Variants in RARB observed in about 807,000 individuals in gnomAD.
RARB encodes retinoic acid receptor beta.
A neutral mutation model predicts 51.9 loss-of-function variants in RARB; 17 were observed. The observed-to-expected ratio is 0.33, with a 90% CI of 0.22 to 0.49. The LOEUF is 0.49. Ranked by LOEUF, RARB falls within the 20% of genes least tolerant of loss-of-function variation. RARB has a pLI of 0.99. For missense variants in RARB, 369 were observed against 550.8 expected, an observed-to-expected ratio of 0.67 and a Z score of 3.30; for synonymous variants, 215 against 195.4, an observed-to-expected ratio of 1.10 and a Z score of -0.84.
intron 3 of RARB, among the ~76,000 whole-genome samples, chr3:25,076,516 G>T (rs1249548530): frequency 6.6e-6 from 1 of 152,106 alleles, no homozygotes; most frequent in Non-Finnish European, 1.5e-5. Flanking sequence ...TATTTTCCAT[G>T]AAACTCTTCT....
intron 2 of RARB, among the ~76,000 whole-genome samples, chr3:24,920,316 T>G (rs999838839): frequency 1.3e-5 from 2 of 152,138 alleles, no homozygotes; most frequent in African/African-American, 4.8e-5. Flanking sequence ...ATTTCCTTAA[T>G]ATATAATGGA....
At chr3:25,085,824 G>A (rs1699094519) in intron 3 of RARB, among the ~76,000 whole-genome samples, 1 of 152,130 alleles carries the variant, frequency 6.6e-6, no homozygotes, top group African/African-American at 2.4e-5. Flanking sequence ...TGAAAGTGTA[G>A]CTGAAATTCC....
chr3:25,285,367 A>C (rs1703623770), intron 5 of RARB, among the ~76,000 whole-genome samples: 1 of 152,160 alleles, frequency 6.6e-6, no homozygotes, highest in Non-Finnish European at 1.5e-5. Flanking sequence ...TTGATGCTCT[A>C]GGAAGAGAGG....
intron 5 of RARB, among the ~76,000 whole-genome samples, chr3:25,218,330 C>T (rs541566879): frequency 3.3e-5 from 5 of 152,130 alleles, no homozygotes; most frequent in South Asian, 2.1e-4. Flanking sequence ...CACACATATC[C>T]GCCCCCTAGG....
intron 2 of RARB, among the ~76,000 whole-genome samples, chr3:24,871,655 G>A (rs1318021775): frequency 1.3e-5 from 2 of 152,072 alleles, no homozygotes; most frequent in African/African-American, 4.8e-5. Context: ...TGGATATCCA[G>A]CTTCTACTTA....
intron 5 of RARB, among the ~76,000 whole-genome samples, chr3:25,313,702 G>C (rs1704345951): frequency 6.6e-6 from 1 of 152,028 alleles, no homozygotes. Flanking sequence ...TGCAATTTGG[G>C]GGCCATCTTT....
chr3:25,196,928 T>C (rs1701255838), intron 5 of RARB, among the ~76,000 whole-genome samples: 1 of 151,416 alleles, frequency 6.6e-6, no homozygotes, highest in Non-Finnish European at 1.5e-5. Flanking sequence ...ATTTTTTTGT[T>C]GTAAATTTGT....
chr3:25,132,454 ATT>A lies in RARB; in HGVS notation c.-280+248_-280+249del, dbSNP rs1699968734. ...TTTTGTGGCTTGCCCATATTAACACATTTAATAATAGCAGGAGCTAGAATCCT... is the reference window on the plus strand; with the variant it reads ...TTTTGTGGCTTGCCCATATTAACACATAATAATAGCAGGAGCTAGAATCCT... On this transcript the variant is annotated intron_variant, in intron 4 of 11. Coordinates refer to the RARB transcript ENST00000383772. Among the ~76,000 whole-genome samples the A allele has an allele frequency of 2.0e-5, 3 of 151,870 alleles. No homozygotes were observed. In the South Asian group the frequency reaches 6.2e-4, roughly 32 times the overall value.
At chr3:25,180,834 A>G (rs1170317165) in intron 5 of RARB, among the ~76,000 whole-genome samples, 1 of 152,212 alleles carries the variant, frequency 6.6e-6, no homozygotes, top group Non-Finnish European at 1.5e-5. Context: ...ATTTGAACAC[A>G]TCCAAAAACT....
chr3:25,596,883 C>A lies in RARB; in HGVS notation c.*267C>A. 1 of 305,428 alleles carries A rather than the reference C, an allele frequency of 3.3e-6. No homozygotes were observed. Among genetic ancestry groups the A allele is most frequent in the Non-Finnish European group, 6.1e-6 (1 of 165,076 alleles). 18.9% of individuals were successfully genotyped at this position (305,428 alleles called of 1,614,324 possible). ...GCTTCTATTTTCCTCTTTGAACACT[C>A]AAGATTGCATGGCAAAGACCCAGTC... On this transcript the variant is annotated 3_prime_UTR_variant, in exon 8 of 8. Coordinates refer to ENST00000330688, the MANE Select transcript of RARB (RefSeq NM_000965.5).
At chr3:25,125,395 C>T (rs1217809246) in intron 3 of RARB, among the ~76,000 whole-genome samples, 2 of 152,042 alleles carry the variant, frequency 1.3e-5, no homozygotes, top group African/African-American at 2.4e-5. Context: ...TCATGAGGAC[C>T]GTTCTAATGA....
At chr3:25,183,409 G>A (rs1342996962) in intron 5 of RARB, among the ~76,000 whole-genome samples, 1 of 151,968 alleles carries the variant, frequency 6.6e-6, no homozygotes, top group Non-Finnish European at 1.5e-5. Flanking sequence ...CTTACTGGAT[G>A]GCAAACTCCC....
chr3:25,341,866 C>G (rs1705238249), intron 5 of RARB, among the ~76,000 whole-genome samples: 2 of 152,126 alleles, frequency 1.3e-5, no homozygotes. Flanking sequence ...CTTTTCCTGA[C>G]ACACCTCAAA....
At chr3:25,325,179 C>A (rs185853685) in intron 5 of RARB, among the ~76,000 whole-genome samples, 1 of 152,258 alleles carries the variant, frequency 6.6e-6, no homozygotes, top group Admixed American at 6.5e-5. Flanking sequence ...CCCTTTTAAA[C>A]CATATAGTGT....
intron 2 of RARB, among the ~76,000 whole-genome samples, chr3:25,469,160 G>A (rs374084419): frequency 1.1e-4 from 16 of 152,334 alleles, no homozygotes; most frequent in East Asian, 3.9e-4. Flanking sequence ...GACAGCGTTC[G>A]GCTGCTGGGC....
chr3:25,373,210 G>A (rs1234546226), intron 5 of RARB, among the ~76,000 whole-genome samples: 1 of 152,138 alleles, frequency 6.6e-6, no homozygotes, highest in African/African-American at 2.4e-5. Context: ...TGAAGTCTTT[G>A]GCATGTGGAT....
intron 5 of RARB, among the ~76,000 whole-genome samples, chr3:25,243,267 G>T (rs1490898015): frequency 1.3e-5 from 2 of 152,164 alleles, no homozygotes; most frequent in Non-Finnish European, 2.9e-5. Context: ...GAGATAATTT[G>T]ACTTCCTCTC....
intron 3 of RARB, among the ~76,000 whole-genome samples, chr3:25,083,448 T>G (rs1699047804): frequency 6.6e-6 from 1 of 152,156 alleles, no homozygotes; most frequent in Non-Finnish European, 1.5e-5. Flanking sequence ...GTGATTTTTT[T>G]TTTTCCAGAC....
intron 2 of RARB, among the ~76,000 whole-genome samples, chr3:25,051,625 A>G (rs1031399055): frequency 6.6e-6 from 1 of 152,210 alleles, no homozygotes; most frequent in Non-Finnish European, 1.5e-5. Context: ...TTTTAAAGAT[A>G]CTATTATTCA....
Sources: allele counts gnomAD v4.1 joint callset (sites outside exome capture counted in the v4.1 genomes callset), GRCh38; gene constraint gnomAD v4.1.1; transcripts MANE v1.5; gene names NCBI Gene and HGNC (gene_info 2026-07-23, HGNC 2026-07-21).